RGS9: variants seen among roughly 807,000 people sequenced by gnomAD.
The protein encoded by RGS9 is regulator of G-protein signalling 9.
Under a neutral mutation model 102.0 loss-of-function variants are expected in RGS9, and 78 were observed. The observed-to-expected ratio is 0.76, with a 90% confidence interval of 0.64 to 0.92. RGS9 has a LOEUF of 0.92. Among genes scored for constraint, RGS9 ranks in the 40% least tolerant of loss-of-function variants. RGS9 has a pLI of 0.00. For missense variants in RGS9, 833 were observed against 866.1 expected (o/e 0.96, Z 0.48); for synonymous variants, 353 against 318.6 (o/e 1.11, Z -1.15).
Position 65,173,001 on chromosome 17 carries a change from C to A in RGS9, c.582+4720C>A, listed in dbSNP as rs1159304330. 1.3e-5 allele frequency among the ~76,000 whole-genome samples: 2 copies of A among 151,878 alleles called. No homozygotes were observed. The highest frequency in any genetic ancestry group is 2.4e-5 in the African/African-American group (1 of 41,296). Reference sequence around the variant, plus strand: ...GCAATGGCGTGATCTCAGCTCACTGCAACCTTCGCCTCCTGGGTTCCAGCG... The same window carrying A: ...GCAATGGCGTGATCTCAGCTCACTGAAACCTTCGCCTCCTGGGTTCCAGCG... On this transcript the variant is annotated intron_variant, in intron 8 of 18. Coordinates refer to ENST00000262406, the MANE Select transcript of RGS9 (RefSeq NM_003835.4). This position sits in a 1 kb window ranked among gnomAD's most constrained non-coding sequence, Gnocchi z 4.8.
intron 18 of RGS9, 90 bp downstream of exon 18, chr17:65,225,576 C>A: frequency 6.3e-7 from 1 of 1,580,814 alleles, no homozygotes; most frequent in Non-Finnish European, 8.6e-7. Context: ...GGGCTGGGGA[C>A]TGGGATGGGT....
At chr17:65,178,628 C>T (rs1191363627) in intron 9 of RGS9, among the ~76,000 whole-genome samples, 2 of 152,258 alleles carry the variant, frequency 1.3e-5, no homozygotes, top group African/African-American at 4.8e-5. Context: ...CTTAGCCACC[C>T]AAGTAGCTAG....
At chr17:65,200,495 G>A (rs1199601176) in intron 13 of RGS9, among the ~76,000 whole-genome samples, 1 of 152,148 alleles carries the variant, frequency 6.6e-6, no homozygotes, top group Non-Finnish European at 1.5e-5. Context: ...CTTTTGCTAT[G>A]GGCAAGATGG....
chr17:65,167,767 G>A (rs574316826), intron 7 of RGS9, among the ~76,000 whole-genome samples: 2 of 152,328 alleles, frequency 1.3e-5, no homozygotes, highest in East Asian at 3.9e-4. Context: ...TAATGTTGAA[G>A]TTGGTGGAGT....
intron 17 of RGS9, among the ~76,000 whole-genome samples, chr17:65,218,994 T>C (rs1913606542): frequency 1.3e-5 from 2 of 152,218 alleles, no homozygotes; most frequent in South Asian, 4.1e-4. Flanking sequence ...TGGCAAGGAC[T>C]GCTAGCCTGG....
intron 9 of RGS9, among the ~76,000 whole-genome samples, chr17:65,183,593 G>A (rs944593403): frequency 2.0e-5 from 3 of 152,102 alleles, no homozygotes; most frequent in Non-Finnish European, 4.4e-5. Context: ...CACTGCACCC[G>A]GCTCCATCTC....
intron 1 of RGS9, among the ~76,000 whole-genome samples, chr17:65,151,033 C>T (rs143058112): frequency 2.6e-5 from 4 of 152,164 alleles, no homozygotes; most frequent in Non-Finnish European, 5.9e-5. Context: ...TAGTGTCAAA[C>T]ATCCAGTTTG....
At chr17:65,137,678 G>A in intron 1 of RGS9, 81 bp downstream of exon 1, 1 of 1,387,956 alleles carries the variant, frequency 7.2e-7, no homozygotes, top group South Asian at 1.2e-5. Context: ...AGAGGGGCAG[G>A]AGTGGAGAGC....
chr17:65,207,836 A>T, intron 15 of RGS9, 86 bp from the exon 16 acceptor site: 1 of 929,954 alleles, frequency 1.1e-6, no homozygotes, highest in Non-Finnish European at 1.7e-6. Context: ...TCTACTGCCA[A>T]GGGAGGCTTG....
At chr17:65,199,546 C>G (rs936732019) in intron 13 of RGS9, among the ~76,000 whole-genome samples, 4 of 135,788 alleles carry the variant, frequency 2.9e-5, no homozygotes, top group Non-Finnish European at 4.6e-5. Context: ...CAGGCTGGAG[C>G]GCAGTGGCGT....
intron 1 of RGS9, among the ~76,000 whole-genome samples, chr17:65,141,284 C>T (rs1910147128): frequency 6.6e-6 from 1 of 152,160 alleles, no homozygotes; most frequent in African/African-American, 2.4e-5. Context: ...TTCCAGCACC[C>T]ATGGACTCTT....
At position 65,204,388 on chromosome 17, in the gene RGS9, A is replaced by T. The variant is rs541244856; in HGVS notation, c.1203+87A>T. The T allele has an allele frequency of 3.4e-4, 504 of 1,491,740 alleles. 4 individuals carry two copies. The South Asian group carries it at 5.7e-3, about 17-fold the overall frequency. The allele number at this position is 1,491,740 out of a possible 1,614,324, so 92.4% of individuals were successfully genotyped here. A position where few individuals can be genotyped will look rare whatever the true frequency, so the allele number is the denominator to read the frequency against. ...AAAATTCTTTAGATATAGGAAAAAGAGAGAGGATACGTGGATAGAGCTTTG... is the reference window on the plus strand; with the variant it reads ...AAAATTCTTTAGATATAGGAAAAAGTGAGAGGATACGTGGATAGAGCTTTG... On this transcript the variant is annotated intron_variant, in intron 15 of 18. Coordinates refer to ENST00000262406, the MANE Select transcript of RGS9 (RefSeq NM_003835.4).
At chr17:65,205,355 G>C in intron 15 of RGS9, among the ~76,000 whole-genome samples, 1 of 152,136 alleles carries the variant, frequency 6.6e-6, no homozygotes, top group Non-Finnish European at 1.5e-5. Flanking sequence ...ATGTGATATA[G>C]GTTATATGAG....
intron 6 of RGS9, 137 bp from the exon 7 acceptor site, chr17:65,162,876 C>T: frequency 1.5e-6 from 1 of 665,640 alleles, no homozygotes; most frequent in South Asian, 1.6e-5. Context: ...ATGGTAAAAC[C>T]AGCTTAGATA....
At chr17:65,177,361 C>G (rs1468216487) in intron 8 of RGS9, among the ~76,000 whole-genome samples, 2 of 151,908 alleles carry the variant, frequency 1.3e-5, no homozygotes, top group Non-Finnish European at 2.9e-5. Flanking sequence ...ACCCACCCAT[C>G]AACCATCTAC....
chr17:65,210,687 C>A, intron 17 of RGS9, 82 bp downstream of exon 17: 1 of 1,593,950 alleles, frequency 6.3e-7, no homozygotes, highest in South Asian at 1.1e-5. Context: ...GGGGTGGGGT[C>A]ATGCACTTGG....
intron 17 of RGS9, among the ~76,000 whole-genome samples, chr17:65,218,494 A>G (rs927566715): frequency 6.6e-6 from 1 of 152,224 alleles, no homozygotes; most frequent in African/African-American, 2.4e-5. Context: ...TGGTAGGGGA[A>G]GGAATGTGGA....
chr17:65,191,574 C>G (rs749446597), intron 11 of RGS9, among the ~76,000 whole-genome samples: 1 of 151,886 alleles, frequency 6.6e-6, no homozygotes, highest in Non-Finnish European at 1.5e-5. Flanking sequence ...AAATGGAGCC[C>G]CGTCTCTACT....
At chr17:65,161,363 T>C (rs1201179734) in intron 6 of RGS9, among the ~76,000 whole-genome samples, 1 of 152,224 alleles carries the variant, frequency 6.6e-6, no homozygotes, top group Non-Finnish European at 1.5e-5. Flanking sequence ...GCGATTCTCC[T>C]GCCTTAGCCT....
Sources: allele counts gnomAD v4.1 joint callset (sites outside exome capture counted in the v4.1 genomes callset), GRCh38; gene constraint gnomAD v4.1.1; non-coding constraint Gnocchi (gnomAD v3.1); transcripts MANE v1.5; gene names NCBI Gene and HGNC (gene_info 2026-07-23, HGNC 2026-07-21).